CMIP: variants seen among roughly 807,000 people sequenced by gnomAD.
CMIP encodes the protein c-Maf inducing protein.
CMIP carries 13 observed loss-of-function variants against 97.3 expected under a neutral mutation model. The ratio of observed to expected loss-of-function variants is 0.13; its 90% CI spans 0.09 to 0.21. The LOEUF (loss-of-function observed/expected upper bound fraction) is 0.21. Ranked by LOEUF, CMIP falls within the 10% of genes least tolerant of loss-of-function variation. The pLI is 1.00. For synonymous variants in CMIP, 538 were observed against 436.3 expected, an observed-to-expected ratio of 1.23 and a Z score of -2.91; for missense variants, 847 against 1,024.9, an observed-to-expected ratio of 0.83 and a Z score of 2.37.
chr16:81,509,152 G>A lies in CMIP; in HGVS notation c.300+63611G>A, dbSNP rs564056843. On this transcript the variant is annotated intron_variant, in intron 1 of 20. Coordinates refer to ENST00000537098, the MANE Select transcript of CMIP (RefSeq NM_198390.3). The stretch of plus-strand genomic sequence containing the variant: ...AACAGATTCATTCAGGTGTCTGCAG[G>A]TGTCACCAACACCGTGTGCTCCCCG... 6.6e-5 allele frequency among the ~76,000 whole-genome samples: 10 copies of A among 152,316 alleles called. No homozygotes were observed. The South Asian group carries it at 1.7e-3, about 25-fold the overall frequency.
At chr16:81,467,087 G>GT (rs972733169) in intron 1 of CMIP, among the ~76,000 whole-genome samples, 6 of 152,130 alleles carry the variant, frequency 3.9e-5, no homozygotes, top group African/African-American at 1.4e-4. Flanking sequence ...GGCTCTAGAA[G>GT]TTTTTTTTAG....
At chr16:81,699,487 G>C (rs1240095819) in intron 14 of CMIP, among the ~76,000 whole-genome samples, 198 bp from the exon 15 acceptor site, 1 of 152,148 alleles carries the variant, frequency 6.6e-6, no homozygotes, top group Non-Finnish European at 1.5e-5. Context: ...AGTGTCCTCA[G>C]GGTTCATCTG....
Position 81,704,041 on chromosome 16 carries a change from A to T in CMIP, c.2047A>T (p.Ile683Phe). 6.2e-7 allele frequency: 1 copy of T among 1,605,370 alleles called. No individual in the cohort carries two copies. Among genetic ancestry groups the T allele is most frequent in the Non-Finnish European group, 8.5e-7 (1 of 1,176,438 alleles). Residue 683 changes from isoleucine to phenylalanine, a missense_variant, in exon 18 of 21, where the codon ATC becomes TTC. Physicochemically the swap from Ile to Phe is conservative, Grantham distance 21. Around this residue, in one of 4 missense-constraint regions of CMIP, gnomAD observed 266 missense variants for 384.2 expected, o/e 0.69. Coordinates refer to ENST00000537098, the MANE Select transcript of CMIP (RefSeq NM_198390.3). ...AACCAGTGCCTGCGCCGAGCACCTC[A>T]TCAAACTGCCTTCGCTCAAGCAGCT... ...NVTSACAEHL[I>F]KLPSLKQLNL... is the part of the protein sequence containing the mutation.
chr16:81,542,186 T>A (rs1188693495), intron 1 of CMIP, among the ~76,000 whole-genome samples: 19 of 152,336 alleles, frequency 1.2e-4, no homozygotes, highest in Admixed American at 1.0e-3. Context: ...GCATTCCAAA[T>A]TTTAAAAGCA....
Position 81,453,241 on chromosome 16 carries a change from C to T in CMIP, c.300+7700C>T, listed in dbSNP as rs1349972036. On this transcript the variant is annotated intron_variant, in intron 1 of 20. Coordinates refer to ENST00000537098, the MANE Select transcript of CMIP (RefSeq NM_198390.3). This position sits in a 1 kb window ranked among gnomAD's most constrained non-coding sequence, Gnocchi z 4.0. ...CTACTGTCAGAAATGGTAGGGTGGA[C>T]GGAGCGACTAAACTGATTGTGCTGG... is the stretch of plus-strand genomic sequence containing the variant. Among the ~76,000 whole-genome samples, 1 of 152,166 alleles carries T rather than the reference C, an allele frequency of 6.6e-6. No individual in the cohort carries two copies. The highest frequency in any genetic ancestry group is 1.5e-5 in the Non-Finnish European group (1 of 68,032).
At chr16:81,552,976 C>T (rs1050736960) in intron 1 of CMIP, among the ~76,000 whole-genome samples, 12 of 152,190 alleles carry the variant, frequency 7.9e-5, no homozygotes, top group Non-Finnish European at 1.3e-4. Context: ...TGGGAGTCCC[C>T]TCCCTGGGGG....
intron 3 of CMIP, among the ~76,000 whole-genome samples, chr16:81,646,551 T>G (rs1468577918): frequency 6.6e-6 from 1 of 152,180 alleles, no homozygotes; most frequent in African/African-American, 2.4e-5. Flanking sequence ...CTTAGTAAAT[T>G]TATAAAGTTG....
chr16:81,652,111 C>T lies in CMIP; in HGVS notation c.478-92C>T. 2.9e-6 allele frequency: 3 copies of T among 1,036,766 alleles called. No homozygotes were observed. Among genetic ancestry groups the T allele is most frequent in the Non-Finnish European group, 2.9e-6 (2 of 694,558 alleles). The allele number at this position is 1,036,766 out of a possible 1,614,324, so 64.2% of individuals were successfully genotyped here. A position where few individuals can be genotyped will look rare whatever the true frequency, so the allele number is the denominator to read the frequency against. ...GTTGTCAGTTTCTCAGGGCCCTTTACACCCTAACCCATCTGATTCTTTGAT... is the reference window on the plus strand; with the variant it reads ...GTTGTCAGTTTCTCAGGGCCCTTTATACCCTAACCCATCTGATTCTTTGAT... On this transcript the variant is annotated intron_variant, in intron 3 of 20. Coordinates refer to ENST00000537098, the MANE Select transcript of CMIP (RefSeq NM_198390.3). The surrounding 1 kb of genome is among the most constrained non-coding windows in gnomAD (Gnocchi z 5.2).
intron 13 of CMIP, among the ~76,000 whole-genome samples, chr16:81,693,857 C>G (rs1597259717): frequency 6.6e-6 from 1 of 152,184 alleles, no homozygotes; most frequent in East Asian, 1.9e-4. Flanking sequence ...AGCTGGGATT[C>G]AGAGCTGGGT....
In CMIP at chr16:81,488,656, C is replaced by CA. The variant is rs572160065; in HGVS notation, c.300+43116dup. 7.8e-4 allele frequency among the ~76,000 whole-genome samples: 118 copies of CA among 152,222 alleles called. 1 individual carries two copies. The highest frequency in any genetic ancestry group is 2.7e-3 in the African/African-American group (112 of 41,546). On this transcript the variant is annotated intron_variant, in intron 1 of 20. Coordinates refer to ENST00000537098, the MANE Select transcript of CMIP (RefSeq NM_198390.3). ...CTCCTTGGTGGCACTCCTGGGCAGT[C>CA]ATCAGCTTCCTTGCTTTACCGCAGC...
intron 4 of CMIP, 28 bp from the exon 5 acceptor site, chr16:81,657,747 C>T (rs890822247): frequency 4.5e-6 from 7 of 1,569,540 alleles, no homozygotes; most frequent in African/African-American, 1.4e-5. Context: ...TTTTGTTTTC[C>T]TCCTGCTGTC....
chr16:81,667,239 T>C (rs1167449881), intron 7 of CMIP: 2 of 152,258 alleles, frequency 1.3e-5, no homozygotes, highest in Admixed American at 6.5e-5. Flanking sequence ...TCTCAAAGAA[T>C]GTTCTTTACT....
intron 9 of CMIP, among the ~76,000 whole-genome samples, chr16:81,673,539 A>G (rs2092701805): frequency 6.6e-6 from 1 of 151,950 alleles, no homozygotes; most frequent in Non-Finnish European, 1.5e-5. Flanking sequence ...TAAATAAATA[A>G]GAAAGCAAGC....
At chr16:81,662,548 G>C (rs1363924101) in intron 6 of CMIP, among the ~76,000 whole-genome samples, 2 of 152,224 alleles carry the variant, frequency 1.3e-5, no homozygotes. Flanking sequence ...GCCCAGAGAG[G>C]AGAGCTTGAG....
chr16:81,679,446 G>T (rs1241932437), intron 10 of CMIP, among the ~76,000 whole-genome samples: 1 of 152,132 alleles, frequency 6.6e-6, no homozygotes, highest in Non-Finnish European at 1.5e-5. Flanking sequence ...TGTGTGTTGT[G>T]TGAGCCATGC....
At chr16:81,504,474 C>G (rs1298680285) in intron 1 of CMIP, among the ~76,000 whole-genome samples, 2 of 151,494 alleles carry the variant, frequency 1.3e-5, no homozygotes, top group African/African-American at 4.9e-5. Context: ...GAAACTCTGT[C>G]TCTACTAAAA....
chr16:81,580,810 C>T (rs1445741858), intron 1 of CMIP, among the ~76,000 whole-genome samples: 1 of 152,082 alleles, frequency 6.6e-6, no homozygotes, highest in Non-Finnish European at 1.5e-5. Context: ...AACAAACAAA[C>T]AAGAGCATAG....
chr16:81,547,251 C>T (rs115360654), intron 1 of CMIP, among the ~76,000 whole-genome samples: 91 of 152,236 alleles, frequency 6.0e-4, no homozygotes, highest in African/African-American at 2.1e-3. Flanking sequence ...AGGGGTTCAG[C>T]GCGGCTGGGT....
At chr16:81,569,336 G>A (rs1010206118) in intron 1 of CMIP, among the ~76,000 whole-genome samples, 2 of 152,200 alleles carry the variant, frequency 1.3e-5, no homozygotes, top group East Asian at 3.8e-4. Flanking sequence ...TGACTTCGGC[G>A]AGGTACCCCA....
Sources: allele counts gnomAD v4.1 joint callset (sites outside exome capture counted in the v4.1 genomes callset), GRCh38; gene constraint gnomAD v4.1.1; regional missense constraint gnomAD v4.1.1; non-coding constraint Gnocchi (gnomAD v3.1); transcripts MANE v1.5; gene names NCBI Gene and HGNC (gene_info 2026-07-23, HGNC 2026-07-21).